NRCAM: variants seen among roughly 807,000 people sequenced by gnomAD.
The protein encoded by NRCAM is NgCAM-related cell adhesion molecule.
NRCAM carries 83 observed loss-of-function variants against 156.5 expected under a neutral mutation model. The observed-to-expected ratio is 0.53, with a 90% CI of 0.44 to 0.64. The LOEUF is 0.64. NRCAM is among the 30% of genes least tolerant of loss of function. The probability of loss-of-function intolerance (pLI) is 0.00; values close to 1 mark genes in which losing one functional copy is unlikely to be tolerated. For synonymous variants in NRCAM, 538 were observed against 563.9 expected (o/e 0.95, Z 0.65); for missense variants, 1,417 against 1,597.3 (o/e 0.89, Z 1.92).
At chr7:108,197,833 C>A in intron 14 of NRCAM, 123 bp downstream of exon 14, 1 of 626,872 alleles carries the variant, frequency 1.6e-6, no homozygotes, top group Non-Finnish European at 2.5e-6. Context: ...TTATCCATCC[C>A]TTATAGCTCC....
At chr7:108,193,894 C>G in intron 17 of NRCAM, 130 bp downstream of exon 17, 1 of 836,600 alleles carries the variant, frequency 1.2e-6, no homozygotes, top group East Asian at 2.7e-5. Context: ...AAATGCTTAT[C>G]TCTCTATTTT....
chr7:108,447,161 T>C (rs1370099126), intron 1 of NRCAM, among the ~76,000 whole-genome samples: 3 of 152,068 alleles, frequency 2.0e-5, no homozygotes, highest in East Asian at 3.8e-4. Context: ...CTTTGATACA[T>C]TACAGCAGCT....
At chr7:108,418,048 C>A (rs1045452580) in intron 1 of NRCAM, among the ~76,000 whole-genome samples, 4 of 152,128 alleles carry the variant, frequency 2.6e-5, no homozygotes, top group Non-Finnish European at 5.9e-5. Context: ...GCTCTGGAAA[C>A]CCCTCTGCTC....
intron 3 of NRCAM, among the ~76,000 whole-genome samples, chr7:108,270,654 T>A (rs2097309477): frequency 6.6e-6 from 1 of 152,204 alleles, no homozygotes; most frequent in South Asian, 2.1e-4. Flanking sequence ...CATCAAAGAA[T>A]GAATGGATAA....
intron 2 of NRCAM, among the ~76,000 whole-genome samples, chr7:108,330,805 T>C (rs1338510049): frequency 6.6e-6 from 1 of 152,172 alleles, no homozygotes; most frequent in Admixed American, 6.5e-5. Context: ...GGTTATTATA[T>C]TTTATCATCT....
rs762924604 is a variant in NRCAM at position 108,198,081 on chromosome 7, C to T, written c.1226G>A (p.Ser409Asn). The change falls in exon 14 of 33, where the codon AGC becomes AAC. Residue 409 changes from serine (S) to asparagine (N), a missense_variant. Ser to Asn is a conservative substitution (Grantham distance 46, BLOSUM62 1). Around this residue, in one of 2 missense-constraint regions of NRCAM, gnomAD observed 1,238 missense variants for 1,336.4 expected, o/e 0.93. Coordinates refer to ENST00000379028, the MANE Select transcript of NRCAM (RefSeq NM_001037132.4). ...AATGGTATCGCCATCTATTTTTCTG[C>T]TGGGGTCATCAGGGGCAACTGTTTG... ...VPIEIAPDDP[S>N]RKIDGDTIIF... The T allele has an allele frequency of 2.5e-6, 4 of 1,605,296 alleles. No homozygotes were observed. Among genetic ancestry groups the T allele is most frequent in the Admixed American group, 1.7e-5 (1 of 58,516 alleles).
intron 2 of NRCAM, among the ~76,000 whole-genome samples, chr7:108,338,410 T>C (rs1019925627): frequency 4.6e-5 from 7 of 152,306 alleles, no homozygotes; most frequent in Non-Finnish European, 7.4e-5. Flanking sequence ...CTTAGGCATC[T>C]AGGCTCTAAA....
Position 108,182,738 on chromosome 7 carries a change from A to G in NRCAM, c.2487T>C (p.Phe829=), listed in dbSNP as rs762577740. 3.1e-5 allele frequency: 50 copies of G among 1,614,116 alleles called. 1 individual carries two copies. In the Admixed American group the frequency reaches 5.3e-4, roughly 17 times the overall value. ...IKVQALNDMG[F]APEPAVVMGH... Reference sequence around the variant, plus strand: ...CCATGACTACAGCTGGCTCGGGGGCAAACCCCATGTCATTCAGGGCCTGAA... The same window carrying G: ...CCATGACTACAGCTGGCTCGGGGGCGAACCCCATGTCATTCAGGGCCTGAA... Residue 829 remains phenylalanine (F), a synonymous_variant, in exon 23 of 33, where the codon TTT becomes TTC. Transcript: ENST00000379028.
chr7:108,192,047 G>C (rs970404752), intron 17 of NRCAM, among the ~76,000 whole-genome samples, 194 bp from the exon 18 acceptor site: 4 of 152,188 alleles, frequency 2.6e-5, no homozygotes, highest in African/African-American at 7.2e-5. Flanking sequence ...TAGAATATTG[G>C]GTTAGAAGGG....
chr7:108,361,499 T>G (rs1324274275), intron 2 of NRCAM, among the ~76,000 whole-genome samples: 1 of 152,178 alleles, frequency 6.6e-6, no homozygotes, highest in African/African-American at 2.4e-5. Flanking sequence ...CTCCCCCAAG[T>G]TAGAATTCTT....
chr7:108,238,125 A>G (rs2095255501), intron 4 of NRCAM, among the ~76,000 whole-genome samples: 1 of 152,192 alleles, frequency 6.6e-6, no homozygotes, highest in African/African-American at 2.4e-5. Flanking sequence ...ATCTACAATT[A>G]ATTTGAGTTG....
At chr7:108,449,658 T>A (rs1417091140) in intron 1 of NRCAM, among the ~76,000 whole-genome samples, 2 of 152,226 alleles carry the variant, frequency 1.3e-5, no homozygotes, top group African/African-American at 4.8e-5. Flanking sequence ...TGGTGTTGAA[T>A]ATGAGTCTGT....
At chr7:108,360,624 T>C (rs1233189301) in intron 2 of NRCAM, among the ~76,000 whole-genome samples, 1 of 152,222 alleles carries the variant, frequency 6.6e-6, no homozygotes, top group East Asian at 1.9e-4. Context: ...GTCAGGACAG[T>C]GGACACTGCT....
chr7:108,179,435 A>G (rs1006852221), intron 25 of NRCAM, among the ~76,000 whole-genome samples: 4 of 152,356 alleles, frequency 2.6e-5, no homozygotes, highest in Non-Finnish European at 5.9e-5. Flanking sequence ...CTTTTATCAA[A>G]AAGAGCTAAG....
At chr7:108,311,000 A>C (rs1251557795) in intron 3 of NRCAM, among the ~76,000 whole-genome samples, 2 of 151,688 alleles carry the variant, frequency 1.3e-5, no homozygotes, top group Admixed American at 6.6e-5. Context: ...AGCCAGAAAA[A>C]CTCCCTTAGA....
At chr7:108,381,969 C>A (rs1308771376) in intron 2 of NRCAM, among the ~76,000 whole-genome samples, 1 of 152,126 alleles carries the variant, frequency 6.6e-6, no homozygotes, top group Admixed American at 6.6e-5. Flanking sequence ...AGGAGAGATA[C>A]AGATGGACTG....
At chr7:108,189,888 T>C (rs1244445477) in intron 19 of NRCAM, 142 bp from the exon 20 acceptor site, 1 of 546,748 alleles carries the variant, frequency 1.8e-6, no homozygotes, top group Non-Finnish European at 3.2e-6. Context: ...AAAGGAAATG[T>C]GCACAGCTGA....
In NRCAM at chr7:108,175,356, A is replaced by G. The variant is rs1338380229; in HGVS notation, c.3153T>C (p.Ala1051=). The G allele has an allele frequency of 6.4e-7, 1 of 1,562,688 alleles. No homozygotes were observed. The highest frequency in any genetic ancestry group is 8.7e-7 in the Non-Finnish European group (1 of 1,152,228). The change falls in exon 28 of 33, where the codon GCT becomes GCC. Residue 1051 remains alanine, a splice_region_variant and synonymous_variant. Coordinates refer to ENST00000379028, the MANE Select transcript of NRCAM (RefSeq NM_001037132.4). ...CACCTACATCAGGTGGAAGAATACCAGCTTTAATGAAGGGAAACAGAAATA... is the reference window on the plus strand; with the variant it reads ...CACCTACATCAGGTGGAAGAATACCGGCTTTAATGAAGGGAAACAGAAATA... The part of the protein sequence containing the change: ...TEEAVTTVDE[A]GILPPDVGAG...
chr7:108,198,799 T>G (rs774683343), intron 13 of NRCAM, among the ~76,000 whole-genome samples: 1 of 152,224 alleles, frequency 6.6e-6, no homozygotes, highest in Non-Finnish European at 1.5e-5. Flanking sequence ...ATAAATAAAT[T>G]GTGTAAATTC....
Sources: allele counts gnomAD v4.1 joint callset (sites outside exome capture counted in the v4.1 genomes callset), GRCh38; gene constraint gnomAD v4.1.1; regional missense constraint gnomAD v4.1.1; transcripts MANE v1.5; gene names NCBI Gene and HGNC (gene_info 2026-07-23, HGNC 2026-07-21).